ADAM22: variants seen among roughly 807,000 people sequenced by gnomAD.
ADAM22 encodes the protein ADAM metallopeptidase domain 22.
A neutral mutation model predicts 144.6 loss-of-function variants in ADAM22; 65 were observed. The observed-to-expected ratio is 0.45, with a 90% confidence interval of 0.37 to 0.55. ADAM22 has a LOEUF of 0.55. Ranked by LOEUF, ADAM22 falls within the 20% of genes least tolerant of loss-of-function variation. ADAM22 has a pLI of 0.00. For missense variants in ADAM22, 974 were observed against 1,184.9 expected (o/e 0.82, Z 2.61); for synonymous variants, 391 against 412.6 (o/e 0.95, Z 0.63).
intron 3 of ADAM22, among the ~76,000 whole-genome samples, chr7:88,051,566 A>C (rs781751484): frequency 8.4e-5 from 12 of 143,712 alleles, no homozygotes; most frequent in Non-Finnish European, 1.7e-4. Flanking sequence ...TGGGGGGAGG[A>C]GGGAGGGATA....
chr7:88,013,407 A>AT (rs957391355), intron 3 of ADAM22, among the ~76,000 whole-genome samples: 35 of 152,162 alleles, frequency 2.3e-4, no homozygotes, highest in African/African-American at 8.4e-4. Flanking sequence ...AATAGATTAT[A>AT]TTTTTTCTGA....
chr7:88,182,210 C>G (rs112617070), intron 29 of ADAM22, 186 bp downstream of exon 29: 14 of 549,532 alleles, frequency 2.5e-5, no homozygotes, highest in African/African-American at 2.3e-4. Flanking sequence ...ATCTCCACAA[C>G]TGTTCCCATA....
intron 29 of ADAM22, among the ~76,000 whole-genome samples, chr7:88,185,487 G>A (rs1236687319): frequency 6.6e-6 from 1 of 151,924 alleles, no homozygotes; most frequent in African/African-American, 2.4e-5. Flanking sequence ...ATTTCCCCTG[G>A]TTTGTTTACA....
chr7:88,061,653 T>G (rs367664748), intron 3 of ADAM22, among the ~76,000 whole-genome samples: 1 of 152,038 alleles, frequency 6.6e-6, no homozygotes, highest in East Asian at 1.9e-4. Flanking sequence ...GTAAACCACA[T>G]TGTCAAAAGA....
At chr7:88,123,432 G>A (rs1829759440) in intron 7 of ADAM22, among the ~76,000 whole-genome samples, 1 of 151,896 alleles carries the variant, frequency 6.6e-6, no homozygotes, top group Non-Finnish European at 1.5e-5. Context: ...ATAGATACAG[G>A]ATTATTCAGA....
chr7:87,978,315 T>G, intron 2 of ADAM22, 21 bp from the exon 3 acceptor site: 1 of 1,604,078 alleles, frequency 6.2e-7, no homozygotes, highest in Non-Finnish European at 8.5e-7. Flanking sequence ...TAAATAACCT[T>G]TTTTCTTTTT....
At chr7:88,038,520 T>C (rs1409300170) in intron 3 of ADAM22, among the ~76,000 whole-genome samples, 1 of 150,972 alleles carries the variant, frequency 6.6e-6, no homozygotes, top group African/African-American at 2.4e-5. Context: ...AGTGGTGCGA[T>C]CTCGACTCAC....
intron 3 of ADAM22, among the ~76,000 whole-genome samples, chr7:88,068,122 A>G (rs1312173847): frequency 6.6e-6 from 1 of 152,178 alleles, no homozygotes; most frequent in Non-Finnish European, 1.5e-5. Flanking sequence ...TTCATTTTCT[A>G]TAGTGAGGAT....
At chr7:88,123,562 C>G (rs1415286909) in intron 7 of ADAM22, among the ~76,000 whole-genome samples, 1 of 151,812 alleles carries the variant, frequency 6.6e-6, no homozygotes, top group Non-Finnish European at 1.5e-5. Context: ...TAGTGATTTG[C>G]TTTCTTTATT....
intron 2 of ADAM22, among the ~76,000 whole-genome samples, chr7:87,940,938 T>G (rs1448265807): frequency 6.6e-6 from 1 of 152,244 alleles, no homozygotes; most frequent in African/African-American, 2.4e-5. Context: ...CTACTCATTG[T>G]TTGATACACA....
chr7:88,171,697 T>G (rs1844358728), intron 26 of ADAM22, 136 bp downstream of exon 26: 1 of 654,350 alleles, frequency 1.5e-6, no homozygotes. Flanking sequence ...CGATTTTTCA[T>G]TATCTTGAGG....
At chr7:88,135,112 T>A (rs1028847355) in intron 13 of ADAM22, among the ~76,000 whole-genome samples, 1 of 151,578 alleles carries the variant, frequency 6.6e-6, no homozygotes, top group Non-Finnish European at 1.5e-5. Flanking sequence ...ACCCTGTCTA[T>A]ACTAGAAATA....
intron 3 of ADAM22, among the ~76,000 whole-genome samples, chr7:88,054,727 G>T (rs956612150): frequency 6.6e-6 from 1 of 151,310 alleles, no homozygotes; most frequent in Non-Finnish European, 1.5e-5. Flanking sequence ...ACATTCTTTC[G>T]CCATTTTCAT....
In ADAM22 at chr7:88,200,768, T is replaced by C. The variant is rs764475201; in HGVS notation, c.*4277T>C. On this transcript the variant is annotated 3_prime_UTR_variant, in exon 32 of 32. Transcript: ENST00000413139. ...GGCTTAATTTGGGGCTCAAATGTTT[T>C]GTTTTCCTCCTGAGATGTTTTTGAA... The C allele has an allele frequency of 1.3e-5, 2 of 152,248 alleles. No individual in the cohort carries two copies. The highest frequency in any genetic ancestry group is 4.8e-5 in the African/African-American group (2 of 41,452). The allele number at this position is 152,248 out of a possible 1,614,324, so 9.4% of individuals were successfully genotyped here.
At chr7:87,964,670 A>G (rs1419833266) in intron 2 of ADAM22, 5 of 430,120 alleles carry the variant, frequency 1.2e-5, no homozygotes, top group African/African-American at 4.1e-5. Context: ...CCAGAAGACC[A>G]TATACCAGAT....
intron 14 of ADAM22, among the ~76,000 whole-genome samples, chr7:88,142,652 C>A (rs530889501): frequency 9.9e-5 from 15 of 152,144 alleles, no homozygotes; most frequent in Non-Finnish European, 1.5e-4. Flanking sequence ...TCCTGGCTAA[C>A]ACGATGAAAC....
At position 88,145,400 on chromosome 7, in the gene ADAM22, G is replaced by T. The variant is rs1331345979; in HGVS notation, c.1393-15G>T. On this transcript the variant is annotated splice_polypyrimidine_tract_variant and intron_variant, in intron 16 of 31. Coordinates refer to ENST00000413139, the MANE Select transcript of ADAM22 (RefSeq NM_001324418.2). The stretch of plus-strand genomic sequence containing the variant: ...CACCGTTTTCTGATGTTTTGAAAAT[G>T]TTTATATTCCTTAGGAATGTGTCCT... 1.9e-6 allele frequency: 3 copies of T among 1,603,486 alleles called. No homozygotes were observed. The highest frequency in any genetic ancestry group is 2.6e-6 in the Non-Finnish European group (3 of 1,173,986).
intron 2 of ADAM22, among the ~76,000 whole-genome samples, chr7:87,949,412 C>T (rs942460614): frequency 5.3e-5 from 8 of 152,236 alleles, no homozygotes; most frequent in Non-Finnish European, 1.0e-4. Flanking sequence ...ACTATAATCA[C>T]TGTGACAAAA....
chr7:87,967,430 C>G (rs983692873), intron 2 of ADAM22, among the ~76,000 whole-genome samples: 2 of 152,054 alleles, frequency 1.3e-5, no homozygotes, highest in African/African-American at 4.8e-5. Context: ...TGAGACCAGC[C>G]TGGGCAATGT....
Sources: allele counts gnomAD v4.1 joint callset (sites outside exome capture counted in the v4.1 genomes callset), GRCh38; gene constraint gnomAD v4.1.1; transcripts MANE v1.5; gene names NCBI Gene and HGNC (gene_info 2026-07-23, HGNC 2026-07-21).